Variants in NAV2 observed in about 807,000 individuals in gnomAD.
NAV2 encodes the protein helicase, APC down-regulated 1.
A neutral mutation model predicts 223.2 loss-of-function variants in NAV2; 54 were observed. That is an observed-to-expected ratio of 0.24 (90% CI 0.19 to 0.30). The LOEUF is 0.30. Among genes scored for constraint, NAV2 ranks in the 10% least tolerant of loss-of-function variants. The probability of loss-of-function intolerance (pLI) is 1.00; values close to 1 mark genes in which losing one functional copy is unlikely to be tolerated. For synonymous variants in NAV2, 1,279 were observed against 1,239.3 expected (o/e 1.03, Z -0.67); for missense variants, 2,806 against 3,147.5 (o/e 0.89, Z 2.60).
chr11:19,815,645 G>A (rs2059055649), intron 1 of NAV2, among the ~76,000 whole-genome samples: 1 of 152,216 alleles, frequency 6.6e-6, no homozygotes, highest in South Asian at 2.1e-4. Flanking sequence ...GACCTGGCCT[G>A]ATTTTTGTAA....
chr11:19,545,067 A>C (rs2044455447), intron 1 of NAV2, among the ~76,000 whole-genome samples: 1 of 152,162 alleles, frequency 6.6e-6, no homozygotes, highest in Admixed American at 6.5e-5. Flanking sequence ...CAGTTGCCTT[A>C]ATCAAAGACC....
At chr11:19,676,501 A>G (rs1041667125) in intron 1 of NAV2, among the ~76,000 whole-genome samples, 2 of 152,212 alleles carry the variant, frequency 1.3e-5, no homozygotes, top group Non-Finnish European at 2.9e-5. Flanking sequence ...AAATTTTTAG[A>G]AAGCAATTTC....
chr11:19,928,546 C>T (rs2045003224), intron 6 of NAV2, among the ~76,000 whole-genome samples: 1 of 152,116 alleles, frequency 6.6e-6, no homozygotes, highest in Non-Finnish European at 1.5e-5. Context: ...GAAATAAGTG[C>T]TTTTCATTTT....
At chr11:19,536,948 A>G (rs775471744) in intron 1 of NAV2, among the ~76,000 whole-genome samples, 1 of 152,230 alleles carries the variant, frequency 6.6e-6, no homozygotes, top group Non-Finnish European at 1.5e-5. Context: ...CAGCATGGTA[A>G]CTGGTTATTT....
intron 1 of NAV2, among the ~76,000 whole-genome samples, chr11:19,460,449 TG>T (rs1564954050): frequency 6.6e-6 from 1 of 152,168 alleles, no homozygotes; most frequent in Non-Finnish European, 1.5e-5. Flanking sequence ...TGGCACATGG[TG>T]GGTGACCCCC....
At chr11:20,092,087 T>C in intron 27 of NAV2, 119 bp from the exon 28 acceptor site, 1 of 905,056 alleles carries the variant, frequency 1.1e-6, no homozygotes. Flanking sequence ...GAGGGTGTTG[T>C]TCGCCTTGGG....
At chr11:20,077,432 A>T in intron 22 of NAV2, 120 bp from the exon 23 acceptor site, 1 of 676,308 alleles carries the variant, frequency 1.5e-6, no homozygotes, top group Non-Finnish European at 2.6e-6. Flanking sequence ...ATTCAAGAGG[A>T]GGCTGAAAAA....
At chr11:19,531,887 G>A (rs1328422285) in intron 1 of NAV2, among the ~76,000 whole-genome samples, 1 of 152,140 alleles carries the variant, frequency 6.6e-6, no homozygotes, top group Non-Finnish European at 1.5e-5. Flanking sequence ...ATTAAAATGT[G>A]GAAAAAATGT....
chr11:19,498,667 T>C (rs1340781731), intron 1 of NAV2, among the ~76,000 whole-genome samples: 1 of 152,232 alleles, frequency 6.6e-6, no homozygotes, highest in Non-Finnish European at 1.5e-5. Flanking sequence ...CTTTCGTCTA[T>C]CCATCTGCCT....
At chr11:19,367,033 G>A (rs1477129024) in intron 1 of NAV2, among the ~76,000 whole-genome samples, 3 of 152,134 alleles carry the variant, frequency 2.0e-5, no homozygotes, top group African/African-American at 7.2e-5. Flanking sequence ...TCATCATTAT[G>A]CAGACAAGTA....
intron 1 of NAV2, among the ~76,000 whole-genome samples, chr11:19,623,989 C>G (rs887977981): frequency 1.3e-5 from 2 of 152,228 alleles, no homozygotes; most frequent in African/African-American, 4.8e-5. Flanking sequence ...TTCTAACAGT[C>G]AGGACCCTCA....
rs901339061 is a variant in NAV2, at chr11:20,118,386, A to AC, written c.*134dup. The AC allele has an allele frequency of 4.2e-5, 47 of 1,131,934 alleles. No homozygotes were observed. Among genetic ancestry groups the AC allele is most frequent in the Admixed American group, 2.8e-4 (13 of 46,758 alleles). 70.1% of individuals were successfully genotyped at this position (1,131,934 alleles called of 1,614,324 possible). On this transcript the variant is annotated 3_prime_UTR_variant, in exon 38 of 38. Transcript: ENST00000349880. ...GCCTTAGAGCTGCGGGAACACCGAG[A>AC]CCCCCCGTCCTTCAGCCTCGACCTG...
intron 10 of NAV2, among the ~76,000 whole-genome samples, chr11:19,959,680 G>C (rs948810134): frequency 6.6e-6 from 1 of 152,132 alleles, no homozygotes; most frequent in Non-Finnish European, 1.5e-5. Flanking sequence ...CATATTTCAT[G>C]CTCTTCCCCG....
intron 1 of NAV2, among the ~76,000 whole-genome samples, chr11:19,754,308 G>A (rs1467057083): frequency 1.3e-5 from 2 of 152,150 alleles, no homozygotes; most frequent in Non-Finnish European, 2.9e-5. Flanking sequence ...GGAATAAGGT[G>A]CCTGTTACAT....
intron 11 of NAV2, among the ~76,000 whole-genome samples, chr11:20,026,527 G>T (rs2055093965): frequency 6.6e-6 from 1 of 152,050 alleles, no homozygotes; most frequent in South Asian, 2.1e-4. Context: ...AGCCAGGATG[G>T]TCTCGATCTC....
At chr11:20,041,702 T>C (rs1030814252) in intron 12 of NAV2, among the ~76,000 whole-genome samples, 2 of 152,222 alleles carry the variant, frequency 1.3e-5, no homozygotes, top group Non-Finnish European at 2.9e-5. Flanking sequence ...TGGCACGTAG[T>C]GGCACCCAAT....
rs546252187 is a variant in NAV2, at chr11:19,376,284, CA to C, written c.75+25264del. Among the ~76,000 whole-genome samples the C allele has an allele frequency of 5.3e-4, 81 of 152,152 alleles. 1 individual carries two copies. Among genetic ancestry groups the C allele is most frequent in the South Asian group, 5.0e-3 (24 of 4,812 alleles). On this transcript the variant is annotated intron_variant, in intron 1 of 37. Coordinates refer to the NAV2 transcript ENST00000360655. ...TGGATTTAAAAAACAAACAAACAAA[CA>C]AAAAAACAATTGCTGGTGAAGCATC...
chr11:19,609,798 G>C (rs921783213), intron 1 of NAV2, among the ~76,000 whole-genome samples: 1 of 152,200 alleles, frequency 6.6e-6, no homozygotes, highest in African/African-American at 2.4e-5. Context: ...TACACTCAAA[G>C]CTTGAGAGGA....
At chr11:19,861,810 C>G (rs755948585) in intron 3 of NAV2, among the ~76,000 whole-genome samples, 3 of 152,212 alleles carry the variant, frequency 2.0e-5, no homozygotes, top group African/African-American at 7.2e-5. Context: ...AGAAAGCATA[C>G]ACAGAATGGG....
Sources: allele counts gnomAD v4.1 joint callset (sites outside exome capture counted in the v4.1 genomes callset), GRCh38; gene constraint gnomAD v4.1.1; transcripts MANE v1.5; gene names NCBI Gene and HGNC (gene_info 2026-07-23, HGNC 2026-07-21).